The following NAV2 variants were observed in gnomAD, a reference collection of about 807,000 sequenced individuals.
NAV2 encodes the protein neuron navigator 2.
Under a neutral mutation model 223.2 loss-of-function variants are expected in NAV2, and 54 were observed. That is an observed-to-expected ratio of 0.24 (90% CI 0.19 to 0.30). The LOEUF (loss-of-function observed/expected upper bound fraction) is 0.30, where lower values mean the gene tolerates loss of function less well. Among genes scored for constraint, NAV2 ranks in the 10% least tolerant of loss-of-function variants. The probability of loss-of-function intolerance (pLI) is 1.00; values close to 1 mark genes in which losing one functional copy is unlikely to be tolerated. For missense variants in NAV2, 2,806 were observed against 3,147.5 expected, an observed-to-expected ratio of 0.89 and a Z score of 2.60; for synonymous variants, 1,279 against 1,239.3, an observed-to-expected ratio of 1.03 and a Z score of -0.67.
intron 1 of NAV2, among the ~76,000 whole-genome samples, chr11:19,378,422 A>G (rs1213027169): frequency 6.6e-6 from 1 of 151,860 alleles, no homozygotes; most frequent in Non-Finnish European, 1.5e-5. Context: ...GATGAGAGAC[A>G]CCTTATCTGC....
At chr11:20,006,255 G>A (rs2053060304) in intron 11 of NAV2, among the ~76,000 whole-genome samples, 1 of 152,180 alleles carries the variant, frequency 6.6e-6, no homozygotes, top group Non-Finnish European at 1.5e-5. Flanking sequence ...ACTGGGTATT[G>A]TATTCTGGAG....
At position 19,713,564 on chromosome 11, in the gene NAV2, T is replaced by TA. The variant is rs1424780178; in HGVS notation, c.-132_-131insA. ...CGAGTTCCCCGACCTGGGGATTTTT[T>TA]TTTTAGCCGCTGGTGGTGGGCGCCT... On this transcript the variant is annotated 5_prime_UTR_variant, in exon 1 of 38. Transcript: ENST00000349880. This position sits in a 1 kb window ranked among gnomAD's most constrained non-coding sequence, Gnocchi z 7.2. 1.4e-6 allele frequency: 2 copies of TA among 1,400,206 alleles called. No homozygotes were observed. Among genetic ancestry groups the TA allele is most frequent in the African/African-American group, 3.0e-5 (2 of 67,682 alleles). 86.7% of individuals were successfully genotyped at this position (1,400,206 alleles called of 1,614,324 possible).
intron 4 of NAV2, among the ~76,000 whole-genome samples, chr11:19,870,402 G>A (rs1049132160): frequency 6.6e-6 from 1 of 152,116 alleles, no homozygotes; most frequent in Non-Finnish European, 1.5e-5. Context: ...CCTGGGACAG[G>A]CCTGTGTCCC....
intron 1 of NAV2, among the ~76,000 whole-genome samples, chr11:19,647,310 G>A (rs558443743): frequency 2.6e-5 from 4 of 152,258 alleles, no homozygotes; most frequent in South Asian, 2.1e-4. Context: ...GAAGACTGTG[G>A]AGTAGTCCTC....
intron 26 of NAV2, among the ~76,000 whole-genome samples, chr11:20,086,111 A>G (rs1162182746): frequency 1.3e-5 from 2 of 152,252 alleles, no homozygotes; most frequent in Non-Finnish European, 2.9e-5. Flanking sequence ...AGACATAGTC[A>G]GGGCCTAGAA....
At chr11:19,799,421 G>A (rs2058101117) in intron 1 of NAV2, among the ~76,000 whole-genome samples, 1 of 152,156 alleles carries the variant, frequency 6.6e-6, no homozygotes, top group Non-Finnish European at 1.5e-5. Flanking sequence ...AACCCTAAGT[G>A]AGTAGACAGA....
At chr11:19,820,123 G>C (rs1235104687) in intron 1 of NAV2, among the ~76,000 whole-genome samples, 1 of 152,254 alleles carries the variant, frequency 6.6e-6, no homozygotes, top group Non-Finnish European at 1.5e-5. Context: ...CGACTTAAAA[G>C]GTCAGTTTGT....
intron 1 of NAV2, among the ~76,000 whole-genome samples, chr11:19,484,058 T>C (rs1451374907): frequency 6.6e-6 from 1 of 151,894 alleles, no homozygotes; most frequent in Non-Finnish European, 1.5e-5. Context: ...CTTCTGCGTC[T>C]TGGGTTCTGC....
intron 1 of NAV2, chr11:19,502,564 A>G (rs2134162967): frequency 6.6e-6 from 1 of 152,346 alleles, no homozygotes; most frequent in East Asian, 1.9e-4. Flanking sequence ...CCAGCTATCT[A>G]GGCAAGTCAT....
At chr11:19,648,659 G>A (rs1444438164) in intron 1 of NAV2, among the ~76,000 whole-genome samples, 1 of 152,122 alleles carries the variant, frequency 6.6e-6, no homozygotes, top group Non-Finnish European at 1.5e-5. Flanking sequence ...TTGGTGATGG[G>A]GCCCCCTGAG....
intron 1 of NAV2, among the ~76,000 whole-genome samples, chr11:19,706,389 GT>G (rs1378670827): frequency 1.3e-5 from 2 of 152,058 alleles, no homozygotes. Flanking sequence ...ATTACTTTAG[GT>G]TTTTTGTTAC....
chr11:19,883,072 G>T (rs1041267794), intron 5 of NAV2, among the ~76,000 whole-genome samples: 1 of 152,152 alleles, frequency 6.6e-6, no homozygotes, highest in Non-Finnish European at 1.5e-5. Context: ...TGGTTTGGAC[G>T]CTTGATTATT....
At chr11:20,049,448 T>C (rs2057766184) in intron 15 of NAV2, 2 of 543,762 alleles carry the variant, frequency 3.7e-6, no homozygotes, top group Non-Finnish European at 6.5e-6. Context: ...TATGCTACCA[T>C]TTGAAATGGC....
chr11:19,989,859 C>A (rs907481673), intron 11 of NAV2, among the ~76,000 whole-genome samples: 1 of 152,092 alleles, frequency 6.6e-6, no homozygotes, highest in Non-Finnish European at 1.5e-5. Context: ...CCCCCAAATC[C>A]TCCGGTCGCC....
chr11:19,699,369 C>T (rs2049443083), intron 1 of NAV2, among the ~76,000 whole-genome samples: 1 of 152,190 alleles, frequency 6.6e-6, no homozygotes, highest in Non-Finnish European at 1.5e-5. Context: ...TTAGTTCTTA[C>T]CCCAAATGCT....
intron 10 of NAV2, among the ~76,000 whole-genome samples, chr11:19,973,098 G>A (rs930428778): frequency 2.0e-5 from 3 of 152,118 alleles, no homozygotes; most frequent in African/African-American, 4.8e-5. Flanking sequence ...TCAGTACACC[G>A]TGGCATTCTT....
Position 20,035,987 on chromosome 11 carries a change from G to T in NAV2, c.2797G>T (p.Gly933Cys). ...GGACGACAGCAGCTCCGTCAGCAGCGGCATCAGCGACACCATAGACAACCT... is the reference window on the plus strand; with the variant it reads ...GGACGACAGCAGCTCCGTCAGCAGCTGCATCAGCGACACCATAGACAACCT... The part of the protein sequence containing the change: ...SWDDSSSVSS[G>C]ISDTIDNLST... Residue 933 changes from glycine (G) to cysteine (C), a missense_variant, in exon 12 of 38, where the codon GGC (glycine) becomes TGC (cysteine). Transcript: ENST00000349880. The T allele has an allele frequency of 6.2e-7, 1 of 1,614,134 alleles. No homozygotes were observed. The highest frequency in any genetic ancestry group is 8.5e-7 in the Non-Finnish European group (1 of 1,180,018).
chr11:20,110,825 G>A (rs908198159), intron 36 of NAV2, among the ~76,000 whole-genome samples: 3 of 152,192 alleles, frequency 2.0e-5, no homozygotes, highest in African/African-American at 7.2e-5. Flanking sequence ...ACCCGGGTAA[G>A]TGGCCATGAA....
At chr11:19,467,018 C>CAG (rs61354519) in intron 1 of NAV2, among the ~76,000 whole-genome samples, 4 of 82,348 alleles carry the variant, frequency 4.9e-5, no homozygotes, top group African/African-American at 1.6e-4. Flanking sequence ...CACACACACA[C>CAG]AGAGAGAGAG....
Sources: gnomAD v4.1 joint callset for allele counts (sites outside exome capture counted in the v4.1 genomes callset) on GRCh38, gnomAD v4.1.1 for gene constraint, Gnocchi (gnomAD v3.1) non-coding constraint, MANE v1.5 for transcripts, NCBI Gene and HGNC (gene_info 2026-07-23, HGNC 2026-07-21) for gene names.